Variants in PKM observed in about 807,000 individuals in gnomAD.
The protein encoded by PKM is pyruvate kinase M1/2, also known as pyruvate kinase PKM.
Under a neutral mutation model 49.8 loss-of-function variants are expected in PKM, and 18 were observed. That is an observed-to-expected ratio of 0.36 (90% CI 0.25 to 0.54). The LOEUF is 0.54. Ranked by LOEUF, PKM falls within the 20% of genes least tolerant of loss-of-function variation. The pLI is 0.89. For synonymous variants in PKM, 239 were observed against 261.8 expected (o/e 0.91, Z 0.84); for missense variants, 508 against 713.8 (o/e 0.71, Z 3.28).
intron 1 of PKM, among the ~76,000 whole-genome samples, chr15:72,226,885 C>A (rs566832783): frequency 6.6e-6 from 1 of 152,356 alleles, no homozygotes; most frequent in South Asian, 2.1e-4. Context: ...TACGTGCAGA[C>A]AAGCACAAAC....
At chr15:72,229,536 G>GTAGGTAGT in intron 1 of PKM, 1 of 1,284,546 alleles carries the variant, frequency 7.8e-7, no homozygotes. Flanking sequence ...GAAGCCAAGG[G>GTAGGTAGT]ATGCCCTTAC....
intron 3 of PKM, among the ~76,000 whole-genome samples, chr15:72,214,570 T>G (rs2082331211): frequency 6.6e-6 from 1 of 152,022 alleles, no homozygotes; most frequent in Non-Finnish European, 1.5e-5. Context: ...CCAAGGCGGA[T>G]GGATCACTTG....
At chr15:72,219,733 AGCAATTT>A (rs1032510459) in intron 1 of PKM, among the ~76,000 whole-genome samples, 14 of 152,252 alleles carry the variant, frequency 9.2e-5, no homozygotes, top group African/African-American at 2.9e-4. Flanking sequence ...GGACACGCAA[AGCAATTT>A]GCAATTTGCA....
chr15:72,213,297 C>T (rs1665016383), intron 3 of PKM, among the ~76,000 whole-genome samples: 1 of 152,154 alleles, frequency 6.6e-6, no homozygotes, highest in South Asian at 2.1e-4. Flanking sequence ...TGTTTGATCT[C>T]AGTATCAGCG....
intron 1 of PKM, 169 bp downstream of exon 1, chr15:72,230,947 G>A (rs1309292342): frequency 5.4e-5 from 70 of 1,287,140 alleles, no homozygotes; most frequent in Non-Finnish European, 6.9e-5. Context: ...GCAGGCCCCA[G>A]GCGTGAGGAG....
Position 72,202,934 on chromosome 15 carries a change from G to A in PKM, c.1141-314C>T. 1.5e-6 allele frequency: 2 copies of A among 1,339,370 alleles called. No individual in the cohort carries two copies. The highest frequency in any genetic ancestry group is 2.1e-6 in the Non-Finnish European group (2 of 938,692). The allele number at this position is 1,339,370 out of a possible 1,614,324, so 83.0% of individuals were successfully genotyped here. A position where few individuals can be genotyped will look rare whatever the true frequency, so the allele number is the denominator to read the frequency against. ...ACGAGAAGAGGCTCTGTGCCCAGAT[G>A]CCAGGTTGGGCCTGGCTGTCTTCTC... is the stretch of plus-strand genomic sequence containing the variant. On this transcript the variant is annotated intron_variant, in intron 8 of 10. Transcript: ENST00000335181. The surrounding 1 kb of genome is among the most constrained non-coding windows in gnomAD (Gnocchi z 4.5).
chr15:72,230,011 A>C (rs2082805282), intron 1 of PKM, among the ~76,000 whole-genome samples: 1 of 151,960 alleles, frequency 6.6e-6, no homozygotes, highest in Admixed American at 6.5e-5. Flanking sequence ...AAGCCTGCAG[A>C]GGTTTATCCC....
chr15:72,206,627 C>T, intron 8 of PKM, 101 bp downstream of exon 8: 1 of 1,168,780 alleles, frequency 8.6e-7, no homozygotes, highest in Non-Finnish European at 1.3e-6. Context: ...AAAGGCTGTG[C>T]ATAAGAGGAT....
In PKM at chr15:72,202,467, T is replaced by C. The variant is rs1156461571; in HGVS notation, c.1294A>G (p.Thr432Ala). ...KCCSGAIIVL[T>A]KSGRSAHQVA... ...GCCGCCTCCTACCTGCCAGACTTGG[T>C]GAGGACGATTATGGCCCCACTGCAG... Residue 432 changes from threonine (T) to alanine (A), a missense_variant, in exon 9 of 11, where the codon ACC becomes GCC. Transcript: ENST00000335181. This position sits in a 1 kb window ranked among gnomAD's most constrained non-coding sequence, Gnocchi z 4.5. The C allele has an allele frequency of 6.2e-7, 1 of 1,612,948 alleles. No homozygotes were observed. Among genetic ancestry groups the C allele is most frequent in the Admixed American group, 1.7e-5 (1 of 59,950 alleles).
At chr15:72,210,144 T>G (rs1003266831) in intron 4 of PKM, 6 of 703,200 alleles carry the variant, frequency 8.5e-6, no homozygotes, top group Non-Finnish European at 1.4e-5. Flanking sequence ...AAAAAAAAGG[T>G]TCCTTTGTGG....
In PKM at chr15:72,199,150, TGGAG is replaced by T; in HGVS notation, c.*496_*499del. On this transcript the variant is annotated 3_prime_UTR_variant, in exon 11 of 11. Coordinates refer to ENST00000335181, the MANE Select transcript of PKM (RefSeq NM_002654.6). Reference sequence around the variant, plus strand: ...GAGTGTTTGCTGCAGGACAGCTGAGTGGAGGGTGGGGACAGGTGCAAACTGGAGA... The same window carrying T: ...GAGTGTTTGCTGCAGGACAGCTGAGTGGTGGGGACAGGTGCAAACTGGAGA... 2 of 322,356 alleles carry T rather than the reference TGGAG, an allele frequency of 6.2e-6. No homozygotes were observed. Among genetic ancestry groups the T allele is most frequent in the South Asian group, 5.0e-5 (2 of 39,690 alleles). The allele number at this position is 322,356 out of a possible 1,614,324, so 20.0% of individuals were successfully genotyped here. A position where few individuals can be genotyped will look rare whatever the true frequency, so the allele number is the denominator to read the frequency against.
chr15:72,218,847 G>T, intron 2 of PKM, 97 bp downstream of exon 2: 2 of 1,237,262 alleles, frequency 1.6e-6, no homozygotes, highest in Non-Finnish European at 2.3e-6. Flanking sequence ...ATCCCATGTA[G>T]CACCTAGGTT....
chr15:72,199,750 G>A lies in PKM; in HGVS notation c.1496C>T (p.Ala499Val). 1 of 1,612,636 alleles carries A rather than the reference G, an allele frequency of 6.2e-7. No homozygotes were observed. Among genetic ancestry groups the A allele is most frequent in the Non-Finnish European group, 8.5e-7 (1 of 1,178,822 alleles). The change falls in exon 11 of 11, where the codon GCC becomes GTC. Residue 499 changes from alanine (A) to valine (V), a missense_variant. Ala to Val is a moderately conservative substitution (Grantham distance 64). Transcript: ENST00000335181. ...ATCTCCCTTCTTGAAGAAGCCTCGG[G>A]CCTTGCCTGGAGGAAGAGAAGGGAG... ...RVNFAMNVGK[A>V]RGFFKKGDVV... is the part of the protein sequence containing the mutation.
Position 72,202,566 on chromosome 15 carries a change from G to C in PKM, c.1195C>G (p.Arg399Gly). The C allele has an allele frequency of 6.2e-7, 1 of 1,613,490 alleles. No homozygotes were observed. Among genetic ancestry groups the C allele is most frequent in the Non-Finnish European group, 8.5e-7 (1 of 1,179,838 alleles). ...IYHLQLFEEL[R>G]RLAPITSDPT... is the part of the protein sequence containing the mutation. ...TCGCTGGTAATGGGCGCCAGGCGGC[G>C]GAGTTCCTCAAATAATTGCAAGTGG... Residue 399 changes from arginine (R) to glycine (G), a missense_variant, in exon 9 of 11, where the codon CGC becomes GGC. Coordinates refer to ENST00000335181, the MANE Select transcript of PKM (RefSeq NM_002654.6). This position sits in a 1 kb window ranked among gnomAD's most constrained non-coding sequence, Gnocchi z 4.5.
intron 1 of PKM, among the ~76,000 whole-genome samples, chr15:72,230,095 G>T (rs898588489): frequency 6.6e-6 from 1 of 152,074 alleles, no homozygotes; most frequent in Non-Finnish European, 1.5e-5. Flanking sequence ...CGTGCAGCCC[G>T]GCCGCGGCGA....
At chr15:72,208,511 TG>T in intron 6 of PKM, 109 bp downstream of exon 6, 1 of 1,114,700 alleles carries the variant, frequency 9.0e-7, no homozygotes, top group Non-Finnish European at 1.4e-6. Flanking sequence ...GGAACTGGCT[TG>T]GGAGTCTACA....
chr15:72,223,726 A>C (rs1339688664), intron 1 of PKM, among the ~76,000 whole-genome samples: 1 of 152,168 alleles, frequency 6.6e-6, no homozygotes, highest in Non-Finnish European at 1.5e-5. Flanking sequence ...TCTATAGTTA[A>C]GGGTAATGAC....
chr15:72,229,277 C>T (rs185951995), intron 1 of PKM, among the ~76,000 whole-genome samples: 49 of 152,310 alleles, frequency 3.2e-4, no homozygotes, highest in African/African-American at 1.0e-3. Context: ...ACTGAGTGTG[C>T]CACATCCACG....
At chr15:72,207,761 C>A (rs572092785) in intron 6 of PKM, among the ~76,000 whole-genome samples, 81 of 152,368 alleles carry the variant, frequency 5.3e-4, no homozygotes, top group African/African-American at 1.9e-3. Context: ...GTGGCTTTGC[C>A]TGGCCTAGGG....
Sources: gnomAD v4.1 joint callset for allele counts (sites outside exome capture counted in the v4.1 genomes callset) on GRCh38, gnomAD v4.1.1 for gene constraint, Gnocchi (gnomAD v3.1) non-coding constraint, MANE v1.5 for transcripts, NCBI Gene and HGNC (gene_info 2026-07-23, HGNC 2026-07-21) for gene names.